Variants in MYL4 observed in about 807,000 individuals in gnomAD.
MYL4 encodes myosin light chain 4.
Under a neutral mutation model 21.6 loss-of-function variants are expected in MYL4, and 16 were observed. That is an observed-to-expected ratio of 0.74 (90% confidence interval 0.50 to 1.12). The LOEUF is 1.12. Ranked by LOEUF, MYL4 falls within the 50% of genes most tolerant of loss-of-function variation. The pLI is 0.00. For missense variants in MYL4, 249 were observed against 252.9 expected (o/e 0.98, Z 0.11); for synonymous variants, 82 against 95.7 (o/e 0.86, Z 0.83).
At chr17:47,215,359 G>A (rs1273064783) in intron 2 of MYL4, among the ~76,000 whole-genome samples, 1 of 152,172 alleles carries the variant, frequency 6.6e-6, no homozygotes, top group Admixed American at 6.5e-5. Flanking sequence ...AAGACTTTCA[G>A]GGCTGATGGG....
chr17:47,189,860 C>A, the MYL4 span, among the ~76,000 whole-genome samples: 1 of 152,038 alleles, frequency 6.6e-6, no homozygotes, highest in African/African-American at 2.4e-5. Flanking sequence ...AGATTAAGGT[C>A]TATTTAAGGG....
intron 1 of MYL4, among the ~76,000 whole-genome samples, chr17:47,202,983 A>C (rs986259332): frequency 6.6e-6 from 1 of 152,134 alleles, no homozygotes; most frequent in African/African-American, 2.4e-5. Context: ...ACAGAGTCTC[A>C]TTCTGTTGCC....
chr17:47,222,566 G>A (rs771844277), intron 5 of MYL4, 109 bp downstream of exon 5: 110 of 900,656 alleles, frequency 1.2e-4, no homozygotes, highest in Non-Finnish European at 1.8e-4. Flanking sequence ...GTGGGTTTTT[G>A]TAGACCCCCC....
chr17:47,209,696 G>A (rs892706992), intron 1 of MYL4, 139 bp downstream of exon 1: 3 of 1,299,008 alleles, frequency 2.3e-6, no homozygotes, highest in Non-Finnish European at 3.3e-6. Context: ...CAGTCCCATG[G>A]GGCAGTGGAG....
Position 47,209,456 on chromosome 17 carries a change from G to A in MYL4, c.34G>A (p.Ala12Thr). The stretch of plus-strand genomic sequence containing the variant: ...CAAGAAGCCTGAGCCTAAGAAGGAG[G>A]CAGCCAAGCCAGCTCCAGCTCCAGC... ...APKKPEPKKE[A>T]AKPAPAPAPA... Residue 12 changes from alanine (A) to threonine (T), a missense_variant, in exon 1 of 7, where the codon GCA (alanine) becomes ACA (threonine). Ala to Thr is a moderately conservative substitution (Grantham distance 58). Coordinates refer to ENST00000393450, the MANE Select transcript of MYL4 (RefSeq NM_002476.2). The A allele has an allele frequency of 6.2e-7, 1 of 1,614,172 alleles. No homozygotes were observed. Among genetic ancestry groups the A allele is most frequent in the South Asian group, 1.1e-5 (1 of 91,082 alleles).
Position 47,219,612 on chromosome 17 carries a change from G to C in MYL4, c.164-292G>C, listed in dbSNP as rs7217660. On this transcript the variant is annotated intron_variant, in intron 2 of 6. Coordinates refer to ENST00000393450, the MANE Select transcript of MYL4 (RefSeq NM_002476.2). Reference sequence around the variant, plus strand: ...CAACCTCTGCCTCCCGAGCTCAAGCGATTCTCGGGCCGCAGCCTCCCAACA... The same window carrying C: ...CAACCTCTGCCTCCCGAGCTCAAGCCATTCTCGGGCCGCAGCCTCCCAACA... Among the ~76,000 whole-genome samples, 615 of 152,190 alleles carry C rather than the reference G, an allele frequency of 4.0e-3. 2 individuals carry two copies. The highest frequency in any genetic ancestry group is 0.014 in the African/African-American group (585 of 41,508).
At chr17:47,214,989 GA>G (rs1567747180) in intron 2 of MYL4, among the ~76,000 whole-genome samples, 1 of 152,136 alleles carries the variant, frequency 6.6e-6, no homozygotes, top group African/African-American at 2.4e-5. Flanking sequence ...TTTCCGGTGG[GA>G]GGATATCAGC....
chr17:47,219,637 A>C (rs1430982438), intron 2 of MYL4, among the ~76,000 whole-genome samples: 1 of 151,990 alleles, frequency 6.6e-6, no homozygotes, highest in Non-Finnish European at 1.5e-5. Context: ...GCCTCCCAAC[A>C]CTGGAATTTT....
At chr17:47,192,060 A>G in the MYL4 span, among the ~76,000 whole-genome samples, 18 of 152,200 alleles carry the variant, frequency 1.2e-4, no homozygotes, top group Non-Finnish European at 2.5e-4. Flanking sequence ...TAACCTAAAA[A>G]AGAGCATTTC....
chr17:47,226,544 G>T (rs551206383), downstream of MYL4, among the ~76,000 whole-genome samples: 1 of 152,248 alleles, frequency 6.6e-6, no homozygotes, highest in Non-Finnish European at 1.5e-5. Context: ...ACAGACATTA[G>T]TTATAATCAT....
upstream of MYL4, among the ~76,000 whole-genome samples, chr17:47,204,430 T>A (rs770975111): frequency 1.3e-5 from 2 of 152,212 alleles, no homozygotes; most frequent in Non-Finnish European, 2.9e-5. Flanking sequence ...TCCATCAGGA[T>A]CCAAGCTTAA....
At chr17:47,223,174 G>C in intron 6 of MYL4, 117 bp downstream of exon 6, 2 of 1,069,390 alleles carry the variant, frequency 1.9e-6, no homozygotes, top group Non-Finnish European at 2.8e-6. Flanking sequence ...GAAACCTCTT[G>C]GGATCAGGAA....
chr17:47,211,459 G>A (rs1515752), intron 1 of MYL4, among the ~76,000 whole-genome samples: 1 of 151,992 alleles, frequency 6.6e-6, no homozygotes, highest in Non-Finnish European at 1.5e-5. Flanking sequence ...TGTGTAGTTA[G>A]GACCACGTCT....
upstream of MYL4, among the ~76,000 whole-genome samples, chr17:47,204,821 A>G (rs559401354): frequency 2.6e-5 from 4 of 152,078 alleles, 1 homozygote; most frequent in Non-Finnish European, 5.9e-5. Flanking sequence ...TCTGCCTTGC[A>G]GTGAAACCCA....
At chr17:47,201,520 G>A (rs73316013) in intron 1 of MYL4, among the ~76,000 whole-genome samples, 4 of 151,402 alleles carry the variant, frequency 2.6e-5, no homozygotes, top group East Asian at 1.9e-4. Context: ...GCAATGGCAC[G>A]ATCTGCTCAC....
chr17:47,199,735 G>GTTTTTTTTT (rs1218791462), upstream of MYL4, among the ~76,000 whole-genome samples: 1 of 119,128 alleles, frequency 8.4e-6, no homozygotes. Flanking sequence ...TTGTAGTAAA[G>GTTTTTTTTT]TCTTTTTTTT....
intron 1 of MYL4, among the ~76,000 whole-genome samples, chr17:47,202,662 C>T (rs11869037): frequency 0.031 from 4,662 of 152,082 alleles, 94 homozygotes; most frequent in Middle Eastern, 0.061. Context: ...ATCATTAACA[C>T]GAAATTCAAA....
intron 1 of MYL4, among the ~76,000 whole-genome samples, chr17:47,203,202 C>T (rs888322482): frequency 1.3e-5 from 2 of 152,192 alleles, no homozygotes; most frequent in African/African-American, 4.8e-5. Flanking sequence ...CTGCCTGCCT[C>T]AGCCTCCCAA....
Position 47,222,469 on chromosome 17 carries a change from C to T in MYL4, c.565+12C>T, listed in dbSNP as rs144326821. The T allele has an allele frequency of 1.1e-4, 176 of 1,613,816 alleles. No homozygotes were observed. The African/African-American group carries it at 1.9e-3, about 17-fold the overall frequency. ...CATCAATTATGAAGGTATTAAGCCG[C>T]GCCTTGCATCCCAGGGCAGCCAGGG... On this transcript the variant is annotated intron_variant, in intron 5 of 6. Transcript: ENST00000393450.
Sources: gnomAD v4.1 joint callset for allele counts (sites outside exome capture counted in the v4.1 genomes callset) on GRCh38, gnomAD v4.1.1 for gene constraint, MANE v1.5 for transcripts, NCBI Gene and HGNC (gene_info 2026-07-23, HGNC 2026-07-21) for gene names.